The following SUGCT variants were observed in gnomAD, a reference collection of about 807,000 sequenced individuals.
SUGCT encodes the protein succinyl-CoA:glutarate CoA-transferase.
A neutral mutation model predicts 55.0 loss-of-function variants in SUGCT; 41 were observed. The observed-to-expected ratio is 0.74, with a 90% confidence interval of 0.58 to 0.97. The LOEUF (loss-of-function observed/expected upper bound fraction) is 0.97. Among genes scored for constraint, SUGCT ranks in the 50% least tolerant of loss-of-function variants. SUGCT has a pLI of 0.00. For synonymous variants in SUGCT, 187 were observed against 200.4 expected (o/e 0.93, Z 0.56); for missense variants, 568 against 547.8 (o/e 1.04, Z -0.37).
the SUGCT span, among the ~76,000 whole-genome samples, chr7:40,890,252 T>A: frequency 3.5e-5 from 5 of 140,888 alleles, no homozygotes; most frequent in South Asian, 2.1e-4. Flanking sequence ...ATTTATATTA[T>A]ATATTTATAT....
chr7:40,958,092 G>C, the SUGCT span, among the ~76,000 whole-genome samples: 47 of 152,162 alleles, frequency 3.1e-4, no homozygotes, highest in African/African-American at 1.1e-3. Flanking sequence ...CTGCCCTTAA[G>C]ATTTTTCTCT....
the SUGCT span, among the ~76,000 whole-genome samples, chr7:41,017,135 C>CT: frequency 4.0e-5 from 6 of 151,698 alleles, no homozygotes; most frequent in South Asian, 6.3e-4. Context: ...GTTCTTCAAC[C>CT]TTTTTTTTTC....
At chr7:40,565,759 G>A (rs1796098724) in intron 12 of SUGCT, among the ~76,000 whole-genome samples, 1 of 151,930 alleles carries the variant, frequency 6.6e-6, no homozygotes, top group South Asian at 2.1e-4. Flanking sequence ...CCCCTTTGAT[G>A]TTCTCTAGCA....
downstream of SUGCT, among the ~76,000 whole-genome samples, chr7:40,865,624 G>C (rs764194873): frequency 6.6e-6 from 1 of 152,192 alleles, no homozygotes; most frequent in Non-Finnish European, 1.5e-5. Context: ...GAACAGCTTG[G>C]GTCTTGCTGT....
At chr7:40,989,892 T>C in the SUGCT span, among the ~76,000 whole-genome samples, 1 of 152,262 alleles carries the variant, frequency 6.6e-6, no homozygotes, top group Non-Finnish European at 1.5e-5. Context: ...TTGCTATTTC[T>C]ACCACATCCG....
the SUGCT span, among the ~76,000 whole-genome samples, chr7:40,897,790 A>G: frequency 6.6e-6 from 1 of 152,210 alleles, no homozygotes; most frequent in South Asian, 2.1e-4. Context: ...CACACCAATC[A>G]GCACTCTGTC....
chr7:40,716,737 C>T (rs1000033137), intron 12 of SUGCT, among the ~76,000 whole-genome samples: 3 of 151,960 alleles, frequency 2.0e-5, no homozygotes, highest in African/African-American at 7.2e-5. Context: ...AAGAAAGCAG[C>T]TCACTATGTA....
intron 9 of SUGCT, among the ~76,000 whole-genome samples, chr7:40,410,078 C>T (rs1786590784): frequency 6.6e-6 from 1 of 151,986 alleles, no homozygotes; most frequent in Non-Finnish European, 1.5e-5. Flanking sequence ...ATAATCTAAG[C>T]ATGGTAATTG....
chr7:40,898,788 T>A, the SUGCT span, among the ~76,000 whole-genome samples: 1 of 151,596 alleles, frequency 6.6e-6, no homozygotes, highest in Non-Finnish European at 1.5e-5. Flanking sequence ...GGACACAAAA[T>A]GGGGTGGAGG....
At chr7:40,548,186 C>CTTTTTTTTTTTTTTTTTTTTTGT (rs1186226631) in intron 12 of SUGCT, among the ~76,000 whole-genome samples, 1 of 104,996 alleles carries the variant, frequency 9.5e-6, no homozygotes, top group African/African-American at 3.8e-5. Flanking sequence ...TTCTTTCTTT[C>CTTTTTTTTTTTTTTTTTTTTTGT]TTTTTTTTTT....
chr7:40,641,763 G>A (rs1286415645), intron 12 of SUGCT, among the ~76,000 whole-genome samples: 1 of 152,138 alleles, frequency 6.6e-6, no homozygotes, highest in African/African-American at 2.4e-5. Context: ...GGTCTTCGCA[G>A]GAGAGTGCGT....
rs533360168 is a variant in SUGCT at position 40,298,035 on chromosome 7, C to T, written c.721-18725C>T. On this transcript the variant is annotated intron_variant, in intron 8 of 13. Transcript: ENST00000335693. ...CCTTCCTTTCCTTTCCCTTCCTTCCCTTACCATCCTCCCTCCCTTCCTTGC... is the reference window on the plus strand; with the variant it reads ...CCTTCCTTTCCTTTCCCTTCCTTCCTTTACCATCCTCCCTCCCTTCCTTGC... 1.3e-4 allele frequency among the ~76,000 whole-genome samples: 19 copies of T among 151,864 alleles called. 1 individual carries two copies. The South Asian group carries it at 3.9e-3, about 32-fold the overall frequency.
At chr7:40,205,191 G>C (rs1786893436) in intron 6 of SUGCT, among the ~76,000 whole-genome samples, 1 of 152,000 alleles carries the variant, frequency 6.6e-6, no homozygotes, top group South Asian at 2.1e-4. Context: ...GGAGGTGGAG[G>C]TTGCAGTGAG....
chr7:40,195,222 C>CTTTTTTTT (rs11326653), intron 6 of SUGCT, among the ~76,000 whole-genome samples, 162 bp downstream of exon 6: 37 of 101,244 alleles, frequency 3.7e-4, no homozygotes, highest in East Asian at 8.4e-4. Flanking sequence ...TTTCTTTTTT[C>CTTTTTTTT]TTTTTTTTTT....
intron 9 of SUGCT, among the ~76,000 whole-genome samples, chr7:40,400,458 A>G (rs983461744): frequency 2.6e-5 from 4 of 152,088 alleles, no homozygotes; most frequent in African/African-American, 9.7e-5. Context: ...TAATATAATG[A>G]TTTCTTTCCC....
intron 11 of SUGCT, among the ~76,000 whole-genome samples, chr7:40,471,311 A>G (rs977714704): frequency 1.2e-4 from 18 of 151,898 alleles, no homozygotes; most frequent in Non-Finnish European, 7.4e-5. Context: ...TACATTTCTT[A>G]GACTAAAAAA....
At chr7:40,709,376 G>T (rs1785586183) in intron 12 of SUGCT, among the ~76,000 whole-genome samples, 1 of 152,264 alleles carries the variant, frequency 6.6e-6, no homozygotes, top group Non-Finnish European at 1.5e-5. Context: ...TAATGAGGGA[G>T]CAGTCTTTAG....
At chr7:40,249,626 TTA>T (rs1790220674) in intron 7 of SUGCT, among the ~76,000 whole-genome samples, 1 of 151,868 alleles carries the variant, frequency 6.6e-6, no homozygotes, top group Non-Finnish European at 1.5e-5. Context: ...ACAAAAGAGG[TTA>T]AATAGTCTAG....
At chr7:40,401,608 T>A (rs1786072947) in intron 9 of SUGCT, among the ~76,000 whole-genome samples, 1 of 152,228 alleles carries the variant, frequency 6.6e-6, no homozygotes, top group Admixed American at 6.5e-5. Flanking sequence ...CTTTGCAGTC[T>A]GGGAACTGAC....
Sources: allele counts gnomAD v4.1 joint callset (sites outside exome capture counted in the v4.1 genomes callset), GRCh38; gene constraint gnomAD v4.1.1; transcripts MANE v1.5; gene names NCBI Gene and HGNC (gene_info 2026-07-23, HGNC 2026-07-21).